PALM: variants seen among roughly 807,000 people sequenced by gnomAD.
The protein encoded by PALM is paralemmin-1.
PALM carries 18 observed loss-of-function variants against 30.7 expected under a neutral mutation model. The observed-to-expected ratio is 0.59, with a 90% CI of 0.41 to 0.87. The LOEUF (loss-of-function observed/expected upper bound fraction) is 0.87. Ranked by LOEUF, PALM falls within the 40% of genes least tolerant of loss-of-function variation. The probability of loss-of-function intolerance (pLI) is 0.00; values close to 1 mark genes in which losing one functional copy is unlikely to be tolerated. For synonymous variants in PALM, 286 were observed against 242.8 expected (o/e 1.18, Z -1.66); for missense variants, 529 against 555.4 (o/e 0.95, Z 0.48).
intron 2 of PALM, 57 bp from the exon 3 acceptor site, chr19:726,951 G>T (rs918636775): frequency 3.9e-6 from 4 of 1,029,570 alleles, no homozygotes; most frequent in African/African-American, 3.2e-5. Context: ...GTGTGGGGGT[G>T]GGGGGGTCTC....
chr19:727,714 T>C lies in PALM; in HGVS notation c.269+20T>C. The C allele has an allele frequency of 6.5e-7, 1 of 1,533,072 alleles. No homozygotes were observed. The highest frequency in any genetic ancestry group is 2.4e-5 in the East Asian group (1 of 41,368). The allele number at this position is 1,533,072 out of a possible 1,614,324, so 95.0% of individuals were successfully genotyped here. A position where few individuals can be genotyped will look rare whatever the true frequency, so the allele number is the denominator to read the frequency against. On this transcript the variant is annotated intron_variant, in intron 4 of 8. Transcript: ENST00000338448. ...GTCCAGGTGGGGGCTGCAGCGTGGGTGCCACCGGGCTGGGTGGGGCCTCGG... is the reference window on the plus strand; with the variant it reads ...GTCCAGGTGGGGGCTGCAGCGTGGGCGCCACCGGGCTGGGTGGGGCCTCGG...
intron 5 of PALM, 76 bp from the exon 6 acceptor site, chr19:734,097 G>A: frequency 7.0e-7 from 1 of 1,428,672 alleles, no homozygotes; most frequent in Non-Finnish European, 9.9e-7. Context: ...CCCTCCCCAG[G>A]CTCCTGACCC....
At chr19:744,811 T>C (rs1266832292) in intron 8 of PALM, among the ~76,000 whole-genome samples, 2 of 149,694 alleles carry the variant, frequency 1.3e-5, no homozygotes, top group Non-Finnish European at 3.0e-5. Context: ...GGAGAATTGC[T>C]TGAACCTAGG....
At chr19:743,540 C>G (rs1045413517) in intron 8 of PALM, among the ~76,000 whole-genome samples, 1 of 152,226 alleles carries the variant, frequency 6.6e-6, no homozygotes, top group African/African-American at 2.4e-5. Flanking sequence ...GCATGGACTC[C>G]CCTCCCTGGG....
chr19:741,972 G>A (rs1410330648), intron 8 of PALM, among the ~76,000 whole-genome samples: 4 of 151,990 alleles, frequency 2.6e-5, no homozygotes, highest in South Asian at 2.1e-4. Context: ...TCGGCCTCCC[G>A]AAATGCTGAG....
intron 5 of PALM, among the ~76,000 whole-genome samples, chr19:732,238 G>C (rs556758357): frequency 3.3e-5 from 5 of 152,208 alleles, no homozygotes; most frequent in African/African-American, 4.8e-5. Flanking sequence ...TGTGGCCAAG[G>C]CTCCTGAAAG....
In PALM at chr19:731,954, T is replaced by A. The variant is rs572086031; in HGVS notation, c.420+709T>A. ...CTGGGATTACACGCATGAGTCACCT[T>A]ACTTGGCCTGGTTATTTTGTTTCTG... On this transcript the variant is annotated intron_variant, in intron 5 of 8. Transcript: ENST00000338448. 2.6e-5 allele frequency among the ~76,000 whole-genome samples: 4 copies of A among 152,184 alleles called. No homozygotes were observed. The East Asian group carries it at 7.7e-4, about 29-fold the overall frequency.
intron 4 of PALM, among the ~76,000 whole-genome samples, chr19:728,461 G>A (rs1008011341): frequency 1.3e-5 from 2 of 152,208 alleles, no homozygotes; most frequent in Non-Finnish European, 2.9e-5. Flanking sequence ...TTGCTTTGAA[G>A]AAAGCACGTT....
In PALM at chr19:746,093, C is replaced by T. The variant is rs2033329471; in HGVS notation, c.635-192C>T. Among the ~76,000 whole-genome samples the T allele has an allele frequency of 6.6e-6, 1 of 152,212 alleles. No homozygotes were observed. The highest frequency in any genetic ancestry group is 2.4e-5 in the African/African-American group (1 of 41,458). On this transcript the variant is annotated intron_variant, in intron 8 of 8. Coordinates refer to ENST00000338448, the MANE Select transcript of PALM (RefSeq NM_002579.3). The surrounding 1 kb of genome is among the most constrained non-coding windows in gnomAD (Gnocchi z 7.1). ...TTTTTTCCTCATTGTACGGCATTGGCTGCATCCACAGATGCCAACAGGGGG... is the reference window on the plus strand; with the variant it reads ...TTTTTTCCTCATTGTACGGCATTGGTTGCATCCACAGATGCCAACAGGGGG...
At chr19:740,304 G>C in intron 7 of PALM, 48 bp from the exon 8 acceptor site, 5 of 1,512,000 alleles carry the variant, frequency 3.3e-6, no homozygotes, top group Non-Finnish European at 4.5e-6. Flanking sequence ...CGGCGGGGGG[G>C]TGCGGGGGCG....
chr19:720,703 C>G (rs1008856325), intron 1 of PALM, among the ~76,000 whole-genome samples: 1 of 152,118 alleles, frequency 6.6e-6, no homozygotes, highest in East Asian at 1.9e-4. Flanking sequence ...CGCGCGTTCC[C>G]TGCCCGCCCG....
At chr19:719,679 C>T (rs2032392132) in intron 1 of PALM, 4 of 947,954 alleles carry the variant, frequency 4.2e-6, no homozygotes, top group African/African-American at 1.8e-5. Context: ...TGTGATCCGA[C>T]CTCCGCTTCC....
At chr19:737,888 G>A (rs1334021392) in intron 7 of PALM, among the ~76,000 whole-genome samples, 2 of 152,162 alleles carry the variant, frequency 1.3e-5, no homozygotes, top group Admixed American at 6.6e-5. Context: ...AGGAACCATG[G>A]GGGGCTGCAG....
chr19:726,795 GC>G (rs2032676414), intron 2 of PALM, among the ~76,000 whole-genome samples: 1 of 152,338 alleles, frequency 6.6e-6, no homozygotes, highest in South Asian at 2.1e-4. Flanking sequence ...GAGCCACCGT[GC>G]CCGGCCAGTC....
intron 7 of PALM, among the ~76,000 whole-genome samples, chr19:738,499 C>G (rs1474858242): frequency 6.6e-6 from 1 of 151,824 alleles, no homozygotes; most frequent in Non-Finnish European, 1.5e-5. Context: ...GCACTCCAGC[C>G]TGGGCAACAA....
At chr19:713,736 G>A (rs761740400) in intron 1 of PALM, among the ~76,000 whole-genome samples, 5 of 150,632 alleles carry the variant, frequency 3.3e-5, no homozygotes, top group Non-Finnish European at 5.9e-5. Flanking sequence ...GCGCCACTGC[G>A]CCTGGCTAAT....
intron 1 of PALM, among the ~76,000 whole-genome samples, chr19:721,314 A>G (rs1326295274): frequency 6.6e-6 from 1 of 152,106 alleles, no homozygotes; most frequent in Non-Finnish European, 1.5e-5. Context: ...CCCCCAGGCT[A>G]GAGTGCGGTG....
chr19:727,624 G>C lies in PALM; in HGVS notation c.199G>C (p.Asp67His). The C allele has an allele frequency of 1.3e-6, 2 of 1,577,102 alleles. No individual in the cohort carries two copies. The highest frequency in any genetic ancestry group is 1.7e-6 in the Non-Finnish European group (2 of 1,161,782). ...GACGCCGTCCTCGGCCTCAGAGGGGGATGAGGACCTGAGGAGGCAGATGCA... is the reference window on the plus strand; with the variant it reads ...GACGCCGTCCTCGGCCTCAGAGGGGCATGAGGACCTGAGGAGGCAGATGCA... ...EGTPSSASEG[D>H]EDLRRQMQDD... Residue 67 changes from aspartate (D) to histidine (H), a missense_variant, in exon 4 of 9, where the codon GAT becomes CAT. Physicochemically the swap from Asp to His is moderately conservative, Grantham distance 81. Transcript: ENST00000338448.
At chr19:714,154 C>T (rs2032177334) in intron 1 of PALM, among the ~76,000 whole-genome samples, 1 of 151,818 alleles carries the variant, frequency 6.6e-6, no homozygotes. Context: ...ATCTACCCTC[C>T]TCGGCCTCCC....
Sources: allele counts gnomAD v4.1 joint callset (sites outside exome capture counted in the v4.1 genomes callset), GRCh38; gene constraint gnomAD v4.1.1; non-coding constraint Gnocchi (gnomAD v3.1); transcripts MANE v1.5; gene names NCBI Gene and HGNC (gene_info 2026-07-23, HGNC 2026-07-21).